NR2F1-AS1: variants seen among roughly 807,000 people sequenced by gnomAD.
The protein encoded by NR2F1-AS1 is NR2F1 regulatory antisense RNA 1.
At chr5:93,561,666 A>G (rs1010932209) in intron 2 of NR2F1-AS1, among the ~76,000 whole-genome samples, 2 of 152,028 alleles carry the variant, frequency 1.3e-5, no homozygotes. Context: ...CCAGCTCCAT[A>G]TGAGACTGAG....
At chr5:93,444,887 T>C (rs1040470210) in intron 4 of NR2F1-AS1, among the ~76,000 whole-genome samples, 6 of 152,134 alleles carry the variant, frequency 3.9e-5, no homozygotes, top group Admixed American at 3.3e-4. Context: ...GAATTGAGGA[T>C]TAAGAAACTC....
intron 4 of NR2F1-AS1, among the ~76,000 whole-genome samples, chr5:93,442,796 G>C (rs1000552480): frequency 1.1e-4 from 16 of 152,202 alleles, no homozygotes; most frequent in Non-Finnish European, 1.6e-4. Context: ...CTCCCAGTAG[G>C]GGCCGACTGA....
At chr5:93,582,932 T>C (rs1029966536), upstream of NR2F1-AS1, among the ~76,000 whole-genome samples, 1 of 150,692 alleles carries the variant, frequency 6.6e-6, no homozygotes, top group Non-Finnish European at 1.5e-5. Context: ...ACCATCCCAG[T>C]CTGTAGGTAG....
intron 4 of NR2F1-AS1, among the ~76,000 whole-genome samples, chr5:93,443,210 G>A (rs2149853097): frequency 6.6e-6 from 1 of 152,334 alleles, no homozygotes; most frequent in East Asian, 1.9e-4. Context: ...GACGAGTTGA[G>A]AGAAGAAGGC....
intron 4 of NR2F1-AS1, among the ~76,000 whole-genome samples, chr5:93,500,175 C>G (rs970386486): frequency 6.6e-6 from 1 of 152,170 alleles, no homozygotes; most frequent in Non-Finnish European, 1.5e-5. Context: ...AAACAGCCTT[C>G]GGTTGAAAGA....
chr5:93,436,499 C>G (rs1283865073), intron 4 of NR2F1-AS1, among the ~76,000 whole-genome samples: 1 of 152,162 alleles, frequency 6.6e-6, no homozygotes, highest in African/African-American at 2.4e-5. Flanking sequence ...TCTCAAATGA[C>G]TTACCTAGTC....
chr5:93,496,631 C>T lies in NR2F1-AS1; in HGVS notation n.638+57130G>A, dbSNP rs114459090. On this transcript the variant is annotated intron_variant and non_coding_transcript_variant, in intron 4 of 5. Transcript: ENST00000660523. The stretch of plus-strand genomic sequence containing the variant: ...TTCATGAGTTGAAAACAAAGAAATA[C>T]AGGTGTTTCCAATGTCTTCCTGGCT... 2.3e-3 allele frequency among the ~76,000 whole-genome samples: 357 copies of T among 152,244 alleles called. 2 individuals are homozygous for T. The highest frequency in any genetic ancestry group is 7.3e-3 in the African/African-American group (302 of 41,564).
chr5:93,487,499 AC>A (rs1471724124), intron 4 of NR2F1-AS1, among the ~76,000 whole-genome samples: 3 of 152,184 alleles, frequency 2.0e-5, no homozygotes, highest in African/African-American at 7.2e-5. Flanking sequence ...CACAATTGCT[AC>A]TAAGAGAATA....
chr5:93,447,384 A>C (rs1349025015), intron 4 of NR2F1-AS1, among the ~76,000 whole-genome samples: 2 of 152,222 alleles, frequency 1.3e-5, no homozygotes, highest in Non-Finnish European at 2.9e-5. Flanking sequence ...CCCATCAAAA[A>C]GGGGGCAAAA....
At chr5:93,411,769 A>C (rs1392684058) in intron 4 of NR2F1-AS1, among the ~76,000 whole-genome samples, 4 of 152,174 alleles carry the variant, frequency 2.6e-5, no homozygotes, top group Non-Finnish European at 5.9e-5. Flanking sequence ...TTGGAAAAGA[A>C]AGTTCCCCTA....
chr5:93,427,449 A>G (rs1337671388), intron 4 of NR2F1-AS1, among the ~76,000 whole-genome samples: 1 of 152,164 alleles, frequency 6.6e-6, no homozygotes, highest in Non-Finnish European at 1.5e-5. Context: ...GGAGCACTAA[A>G]CCAATCTACT....
exon 4 of NR2F1-AS1, chr5:93,553,805 A>G (rs1178303405): frequency 1.3e-5 from 2 of 152,216 alleles, no homozygotes; most frequent in East Asian, 3.8e-4. Flanking sequence ...TAGTTGACAT[A>G]GGCTTCCTGA....
intron 4 of NR2F1-AS1, among the ~76,000 whole-genome samples, chr5:93,439,451 C>T (rs1297639043): frequency 6.6e-6 from 1 of 152,136 alleles, no homozygotes; most frequent in Non-Finnish European, 1.5e-5. Flanking sequence ...CCCGCTACCT[C>T]GCCCGGCTAA....
rs1189070953 is a variant in NR2F1-AS1 at position 93,525,782 on chromosome 5, G to T, written n.638+27979C>A. Among the ~76,000 whole-genome samples, 5 of 152,230 alleles carry T rather than the reference G, an allele frequency of 3.3e-5. No homozygotes were observed. The East Asian group carries it at 9.6e-4, about 29-fold the overall frequency. On this transcript the variant is annotated intron_variant and non_coding_transcript_variant, in intron 4 of 5. Transcript: ENST00000660523. ...CTGAGTAAATAACAAAATTAAGGTA[G>T]AAATAAATAAGTTCTTAGAAACCAA...
chr5:93,462,233 G>T (rs909460032), intron 4 of NR2F1-AS1, among the ~76,000 whole-genome samples: 1 of 152,080 alleles, frequency 6.6e-6, no homozygotes, highest in Non-Finnish European at 1.5e-5. Flanking sequence ...ATTGAGTTAT[G>T]GGGGCAGGTC....
At chr5:93,477,158 T>C (rs1356308543) in intron 4 of NR2F1-AS1, among the ~76,000 whole-genome samples, 6 of 152,176 alleles carry the variant, frequency 3.9e-5, no homozygotes, top group South Asian at 2.1e-4. Context: ...GGCCCATGTA[T>C]ACAATGAAAA....
At chr5:93,435,044 A>G (rs887742128) in intron 4 of NR2F1-AS1, among the ~76,000 whole-genome samples, 1 of 152,190 alleles carries the variant, frequency 6.6e-6, no homozygotes, top group Non-Finnish European at 1.5e-5. Flanking sequence ...TTGTAAGTAA[A>G]AAGTAACTTA....
At chr5:93,570,115 T>G (rs1752716658) in intron 1 of NR2F1-AS1, 1 of 152,218 alleles carries the variant, frequency 6.6e-6, no homozygotes, top group South Asian at 2.1e-4. Flanking sequence ...TCTCCCAATA[T>G]CCTTTTTATG....
At chr5:93,424,812 T>G (rs1749161428) in intron 4 of NR2F1-AS1, among the ~76,000 whole-genome samples, 1 of 152,172 alleles carries the variant, frequency 6.6e-6, no homozygotes, top group African/African-American at 2.4e-5. Context: ...AAAATAAATT[T>G]CAGTATAAAA....
Sources: gnomAD v4.1 joint callset for allele counts (sites outside exome capture counted in the v4.1 genomes callset) on GRCh38, gnomAD v4.1.1 for gene constraint, MANE v1.5 for transcripts, NCBI Gene and HGNC (gene_info 2026-07-23, HGNC 2026-07-21) for gene names.